Variants in TXLNB observed in about 807,000 individuals in gnomAD.
TXLNB encodes the protein beta-taxilin.
In TXLNB, 37 loss-of-function variants were observed where a neutral mutation model predicts 57.4. That is an observed-to-expected ratio of 0.64 (90% confidence interval 0.50 to 0.85). The LOEUF (loss-of-function observed/expected upper bound fraction) is 0.85. Ranked by LOEUF, TXLNB falls within the 40% of genes least tolerant of loss-of-function variation. TXLNB has a pLI of 0.00. For synonymous variants in TXLNB, 302 were observed against 309.6 expected, an observed-to-expected ratio of 0.98 and a Z score of 0.26; for missense variants, 848 against 825.6, an observed-to-expected ratio of 1.03 and a Z score of -0.33.
At chr6:139,206,747 T>A in the TXLNB span, among the ~76,000 whole-genome samples, 1 of 151,328 alleles carries the variant, frequency 6.6e-6, no homozygotes. Context: ...GCTGTCTTCA[T>A]GAGACTTACC....
At chr6:139,312,102 T>C in the TXLNB span, among the ~76,000 whole-genome samples, 3 of 152,168 alleles carry the variant, frequency 2.0e-5, no homozygotes, top group Non-Finnish European at 2.9e-5. Context: ...CTATATCCTA[T>C]ATGAGTTAAG....
At chr6:139,195,315 GT>G in the TXLNB span, among the ~76,000 whole-genome samples, 1 of 152,064 alleles carries the variant, frequency 6.6e-6, no homozygotes, top group African/African-American at 2.4e-5. Flanking sequence ...TCACTTGGTA[GT>G]TTTATGATAG....
chr6:139,242,412 A>T lies in TXLNB; in HGVS notation c.*114T>A. The stretch of plus-strand genomic sequence containing the variant: ...CTGCCTAACATTAAAAAATGTCTTG[A>T]TCCTAAGTCTCTTCCATTTGACATC... On this transcript the variant is annotated 3_prime_UTR_variant, in exon 10 of 10. Coordinates refer to ENST00000358430, the MANE Select transcript of TXLNB (RefSeq NM_153235.4). 1 of 860,098 alleles carries T rather than the reference A, an allele frequency of 1.2e-6. No individual in the cohort carries two copies. Among genetic ancestry groups the T allele is most frequent in the Non-Finnish European group, 1.6e-6 (1 of 615,480 alleles). 53.3% of individuals were successfully genotyped at this position (860,098 alleles called of 1,614,324 possible). A position where few individuals can be genotyped will look rare whatever the true frequency, so the allele number is the denominator to read the frequency against.
chr6:139,267,355 G>A (rs1016615262), intron 4 of TXLNB, among the ~76,000 whole-genome samples: 1 of 152,152 alleles, frequency 6.6e-6, no homozygotes, highest in African/African-American at 2.4e-5. Flanking sequence ...TAAAGGCTGA[G>A]GGAGTAAATT....
chr6:139,195,739 GGTTAA>G, the TXLNB span, among the ~76,000 whole-genome samples: 9 of 152,152 alleles, frequency 5.9e-5, no homozygotes, highest in African/African-American at 1.9e-4. Flanking sequence ...GTAGTTGCAT[GGTTAA>G]GTTGAGAAAA....
intron 2 of TXLNB, among the ~76,000 whole-genome samples, chr6:139,280,676 AT>A (rs11380166): frequency 4.6e-5 from 7 of 150,712 alleles, no homozygotes; most frequent in African/African-American, 1.5e-4. Flanking sequence ...CTCTTCCAAA[AT>A]TTTTTTTTTA....
chr6:139,226,497 G>A, the TXLNB span, among the ~76,000 whole-genome samples: 1 of 151,902 alleles, frequency 6.6e-6, no homozygotes, highest in Non-Finnish European at 1.5e-5. Context: ...AGTATATTAA[G>A]AGAATAAAAA....
chr6:139,219,145 C>T, the TXLNB span, among the ~76,000 whole-genome samples: 1 of 152,148 alleles, frequency 6.6e-6, no homozygotes, highest in Non-Finnish European at 1.5e-5. Context: ...TGGGATACAG[C>T]CTGGATCCCA....
chr6:139,208,244 G>GA, the TXLNB span, among the ~76,000 whole-genome samples: 2,508 of 152,042 alleles, frequency 0.016, 70 homozygotes, highest in African/African-American at 0.056. Context: ...ATTAAATCAG[G>GA]AAAAAAATGG....
chr6:139,173,464 G>A, the TXLNB span, among the ~76,000 whole-genome samples: 1 of 152,188 alleles, frequency 6.6e-6, no homozygotes, highest in Admixed American at 6.5e-5. Flanking sequence ...TAAGGAGCAG[G>A]TTGATCCTTA....
At chr6:139,169,689 T>G in the TXLNB span, 2 of 152,246 alleles carry the variant, frequency 1.3e-5, no homozygotes, top group Non-Finnish European at 2.9e-5. Flanking sequence ...CCATGTAGTC[T>G]TTCATCTTCC....
At chr6:139,250,446 G>A (rs1776175729) in intron 7 of TXLNB, among the ~76,000 whole-genome samples, 2 of 148,846 alleles carry the variant, frequency 1.3e-5, no homozygotes, top group South Asian at 4.2e-4. Context: ...AGACCTCTTG[G>A]TCTGAGACAC....
At chr6:139,299,635 G>A in the TXLNB span, among the ~76,000 whole-genome samples, 2 of 152,060 alleles carry the variant, frequency 1.3e-5, no homozygotes, top group Non-Finnish European at 2.9e-5. Flanking sequence ...CCCCACTTGG[G>A]GAGATGCCTG....
At chr6:139,286,175 A>C (rs1229938899) in intron 2 of TXLNB, among the ~76,000 whole-genome samples, 3 of 151,246 alleles carry the variant, frequency 2.0e-5, no homozygotes, top group Non-Finnish European at 3.0e-5. Context: ...ATATTCATCC[A>C]TCCACTCCCT....
the TXLNB span, among the ~76,000 whole-genome samples, chr6:139,203,928 T>A: frequency 6.6e-5 from 10 of 152,178 alleles, no homozygotes; most frequent in African/African-American, 1.4e-4. Context: ...ATGAATTTTT[T>A]AAAAAAACAT....
chr6:139,298,177 A>C, the TXLNB span, among the ~76,000 whole-genome samples: 1 of 152,262 alleles, frequency 6.6e-6, no homozygotes, highest in Non-Finnish European at 1.5e-5. Context: ...TAAAGAGCAG[A>C]TGGACTTGCA....
At chr6:139,306,916 T>C in the TXLNB span, among the ~76,000 whole-genome samples, 1 of 152,232 alleles carries the variant, frequency 6.6e-6, no homozygotes, top group African/African-American at 2.4e-5. Context: ...GTTGTTTCTT[T>C]CTGTGATGTT....
intron 1 of TXLNB, among the ~76,000 whole-genome samples, chr6:139,290,758 A>C (rs950408615): frequency 2.0e-5 from 3 of 152,236 alleles, no homozygotes; most frequent in Non-Finnish European, 4.4e-5. Flanking sequence ...GATGCTGCTA[A>C]ATAGCAGCAT....
At chr6:139,182,910 C>T in the TXLNB span, 4 of 152,170 alleles carry the variant, frequency 2.6e-5, no homozygotes, top group Non-Finnish European at 5.9e-5. Context: ...TACCGTAGCA[C>T]CATTTCTTGG....
Sources: gnomAD v4.1 joint callset for allele counts (sites outside exome capture counted in the v4.1 genomes callset) on GRCh38, gnomAD v4.1.1 for gene constraint, MANE v1.5 for transcripts, NCBI Gene and HGNC (gene_info 2026-07-23, HGNC 2026-07-21) for gene names.